The following CPSF2 variants were observed in gnomAD, a reference collection of about 807,000 sequenced individuals.
The protein encoded by CPSF2 is cleavage and polyadenylation specificity factor subunit 2.
In CPSF2, 51 loss-of-function variants were observed where a neutral mutation model predicts 84.2. That is an observed-to-expected ratio of 0.61 (90% CI 0.48 to 0.77). CPSF2 has a LOEUF of 0.77. Among genes scored for constraint, CPSF2 ranks in the 30% least tolerant of loss-of-function variants. The probability of loss-of-function intolerance (pLI) is 0.00; values close to 1 mark genes in which losing one functional copy is unlikely to be tolerated. For synonymous variants in CPSF2, 286 were observed against 311.9 expected (o/e 0.92, Z 0.87); for missense variants, 641 against 929.4 (o/e 0.69, Z 4.03).
At chr14:92,137,669 C>T (rs2069017782) in intron 6 of CPSF2, among the ~76,000 whole-genome samples, 1 of 152,038 alleles carries the variant, frequency 6.6e-6, no homozygotes, top group African/African-American at 2.4e-5. Context: ...CCTAAAGAAA[C>T]AATCAGAAAT....
Position 92,154,726 on chromosome 14 carries a change from G to C in CPSF2, c.1241+268G>C, listed in dbSNP as rs542118191. Among the ~76,000 whole-genome samples, 6 of 152,296 alleles carry C rather than the reference G, an allele frequency of 3.9e-5. No individual in the cohort carries two copies. The East Asian group carries it at 1.2e-3, about 29-fold the overall frequency. On this transcript the variant is annotated intron_variant, in intron 10 of 15. Coordinates refer to ENST00000298875, the MANE Select transcript of CPSF2 (RefSeq NM_017437.3). ...AATGATGGGGACAGTTCTGAGAAAA[G>C]TGTCGTTAGGGGATTTAGTCATTGT...
At chr14:92,127,706 A>G (rs1264193757) in intron 2 of CPSF2, among the ~76,000 whole-genome samples, 2 of 152,176 alleles carry the variant, frequency 1.3e-5, no homozygotes, top group African/African-American at 4.8e-5. Context: ...GAAAGAGCGA[A>G]TGACTGAAGA....
chr14:92,144,515 C>T (rs2141468064), intron 9 of CPSF2, among the ~76,000 whole-genome samples: 1 of 152,324 alleles, frequency 6.6e-6, no homozygotes, highest in South Asian at 2.1e-4. Flanking sequence ...TCACCTTTTA[C>T]AGTCTGTCAT....
intron 3 of CPSF2, among the ~76,000 whole-genome samples, chr14:92,131,669 A>G (rs756001464): frequency 2.0e-5 from 3 of 151,908 alleles, no homozygotes; most frequent in Middle Eastern, 3.4e-3. Context: ...TGAAACTCCA[A>G]CTCTACTAAA....
rs774410708 is a variant in CPSF2, at chr14:92,154,341, C to G, written c.1141-17C>G. The G allele has an allele frequency of 5.7e-5, 89 of 1,572,202 alleles. No individual in the cohort carries two copies. Among genetic ancestry groups the G allele is most frequent in the Non-Finnish European group, 3.1e-5 (36 of 1,157,280 alleles). On this transcript the variant is annotated splice_polypyrimidine_tract_variant and intron_variant, in intron 9 of 15. Transcript: ENST00000298875. ...TTAACATATTAACATTTCCTTTTGT[C>G]TTTTATTTTTTTTTAGTTGAGGAAA...
intron 6 of CPSF2, among the ~76,000 whole-genome samples, chr14:92,137,624 A>G (rs1388479723): frequency 6.6e-6 from 1 of 152,228 alleles, no homozygotes; most frequent in African/African-American, 2.4e-5. Flanking sequence ...TAGCAGTACT[A>G]TGTATTAACA....
rs561037627 is a variant in CPSF2 at position 92,143,296 on chromosome 14, T to A, written c.1140+2T>A. On this transcript the variant is annotated splice_donor_variant, in intron 9 of 15. Transcript: ENST00000298875. LOFTEE classifies it high-confidence loss of function. ...TCTGAAAAAATTACAGAAATAGAGG[T>A]AAGCACTTGTATGTGAACTTTATCT... The A allele has an allele frequency of 6.3e-7, 1 of 1,577,084 alleles. No homozygotes were observed. Among genetic ancestry groups the A allele is most frequent in the African/African-American group, 1.4e-5 (1 of 73,592 alleles).
intron 9 of CPSF2, among the ~76,000 whole-genome samples, chr14:92,149,946 C>T (rs577928913): frequency 1.7e-4 from 26 of 152,100 alleles, no homozygotes; most frequent in African/African-American, 5.5e-4. Context: ...TGAGTCACTG[C>T]GCCTGGCCTA....
Position 92,151,316 on chromosome 14 carries a change from C to G in CPSF2, c.1141-3042C>G, listed in dbSNP as rs2069212180. Among the ~76,000 whole-genome samples the G allele has an allele frequency of 2.0e-5, 3 of 151,934 alleles. No individual in the cohort carries two copies. In the South Asian group the frequency reaches 6.2e-4, roughly 32 times the overall value. ...TGGGAGGTAGAAGGGTTGCTTGAAC[C>G]TGGGAGTTCGAGGCTGCAGTGAGCA... On this transcript the variant is annotated intron_variant, in intron 9 of 15. Coordinates refer to ENST00000298875, the MANE Select transcript of CPSF2 (RefSeq NM_017437.3).
At chr14:92,131,190 T>C in intron 3 of CPSF2, 57 bp downstream of exon 3, 1 of 1,382,652 alleles carries the variant, frequency 7.2e-7, no homozygotes, top group Middle Eastern at 1.8e-4. Flanking sequence ...TTTTCTGTAC[T>C]GTAATACCAT....
intron 9 of CPSF2, among the ~76,000 whole-genome samples, chr14:92,153,449 G>A (rs1418269059): frequency 2.6e-5 from 4 of 151,996 alleles, no homozygotes; most frequent in Non-Finnish European, 2.9e-5. Flanking sequence ...AAATGTCAAA[G>A]GGAGTTTTTC....
At chr14:92,128,108 G>A (rs2068865904) in intron 2 of CPSF2, among the ~76,000 whole-genome samples, 1 of 152,198 alleles carries the variant, frequency 6.6e-6, no homozygotes, top group South Asian at 2.1e-4. Flanking sequence ...GGTGGCAGGT[G>A]CCTGTAATCC....
chr14:92,151,840 C>A (rs1384290817), intron 9 of CPSF2, among the ~76,000 whole-genome samples: 1 of 151,958 alleles, frequency 6.6e-6, no homozygotes, highest in Non-Finnish European at 1.5e-5. Flanking sequence ...AGTTTGAGAC[C>A]AGCTTGGGCA....
intron 3 of CPSF2, among the ~76,000 whole-genome samples, chr14:92,133,310 T>C (rs1252142174): frequency 1.3e-5 from 2 of 151,654 alleles, no homozygotes; most frequent in African/African-American, 4.9e-5. Context: ...TCCCAGCTAC[T>C]CGGGAGGCTG....
In CPSF2 at chr14:92,167,926, T is replaced by C. The variant is rs559281887; in HGVS notation, c.*6182T>C. ...TTTTTTTTTTCTGGTAACCATAGAA[T>C]GAATGTAGAATGAATTTGGATTCAA... is the stretch of plus-strand genomic sequence containing the variant. On this transcript the variant is annotated 3_prime_UTR_variant, in exon 16 of 16. Coordinates refer to ENST00000298875, the MANE Select transcript of CPSF2 (RefSeq NM_017437.3). 2.8e-5 allele frequency: 4 copies of C among 140,562 alleles called. No homozygotes were observed. Among genetic ancestry groups the C allele is most frequent in the Admixed American group, 7.4e-5 (1 of 13,486 alleles). The allele number at this position is 140,562 out of a possible 1,614,324, so 8.7% of individuals were successfully genotyped here. A position where few individuals can be genotyped will look rare whatever the true frequency, so the allele number is the denominator to read the frequency against.
At chr14:92,158,887 A>AT in intron 13 of CPSF2, 96 bp from the exon 14 acceptor site, 1 of 1,164,964 alleles carries the variant, frequency 8.6e-7, no homozygotes, top group Admixed American at 2.4e-5. Flanking sequence ...CAATTTTAAC[A>AT]TATTACCAGA....
chr14:92,142,985 A>G lies in CPSF2; in HGVS notation c.850-19A>G. 3 of 1,572,112 alleles carry G rather than the reference A, an allele frequency of 1.9e-6. No homozygotes were observed. The highest frequency in any genetic ancestry group is 2.6e-6 in the Non-Finnish European group (3 of 1,154,252). ...TAATATAGTATTTCTAATTCTTGTC[A>G]TCTTTCCCCCCATGTTAGGTAGAAT... On this transcript the variant is annotated intron_variant, in intron 8 of 15. Coordinates refer to ENST00000298875, the MANE Select transcript of CPSF2 (RefSeq NM_017437.3).
At chr14:92,123,737 G>A (rs138600256) in intron 1 of CPSF2, among the ~76,000 whole-genome samples, 11 of 152,330 alleles carry the variant, frequency 7.2e-5, no homozygotes, top group African/African-American at 2.6e-4. Context: ...GTAACTGTGA[G>A]ATATTTGCGA....
chr14:92,139,807 G>A (rs2069051090), intron 7 of CPSF2, among the ~76,000 whole-genome samples: 1 of 151,860 alleles, frequency 6.6e-6, no homozygotes, highest in Admixed American at 6.6e-5. Flanking sequence ...CCAAAGTGTT[G>A]GGATTACAGG....
Sources: allele counts gnomAD v4.1 joint callset (sites outside exome capture counted in the v4.1 genomes callset), GRCh38; gene constraint gnomAD v4.1.1; transcripts MANE v1.5; gene names NCBI Gene and HGNC (gene_info 2026-07-23, HGNC 2026-07-21).